SLIT1: variants seen among roughly 807,000 people sequenced by gnomAD.
The protein encoded by SLIT1 is slit guidance ligand 1.
A neutral mutation model predicts 186.1 loss-of-function variants in SLIT1; 66 were observed. The observed-to-expected ratio is 0.35, with a 90% CI of 0.29 to 0.44. SLIT1 has a LOEUF of 0.44. Among genes scored for constraint, SLIT1 ranks in the 20% least tolerant of loss-of-function variants. The pLI is 1.00. For missense variants in SLIT1, 1,638 were observed against 2,037.4 expected (o/e 0.80, Z 3.77); for synonymous variants, 761 against 833.8 (o/e 0.91, Z 1.50).
chr10:97,071,460 A>G (rs1168960872), intron 4 of SLIT1, among the ~76,000 whole-genome samples: 1 of 152,166 alleles, frequency 6.6e-6, no homozygotes, highest in Non-Finnish European at 1.5e-5. Flanking sequence ...TCCTCACCAC[A>G]ACCCTGCAAG....
intron 4 of SLIT1, among the ~76,000 whole-genome samples, chr10:97,141,495 G>A (rs935079060): frequency 2.0e-5 from 3 of 152,066 alleles, no homozygotes; most frequent in Admixed American, 1.3e-4. Context: ...AAGCACACGC[G>A]ATAAAACAGA....
chr10:97,043,922 G>A lies in SLIT1; in HGVS notation c.1854-409C>T, dbSNP rs753148236. Among the ~76,000 whole-genome samples, 32 of 152,102 alleles carry A rather than the reference G, an allele frequency of 2.1e-4. No homozygotes were observed. Among genetic ancestry groups the A allele is most frequent in the Non-Finnish European group, 3.4e-4 (23 of 68,032 alleles). ...ACTAACAGCCTCCAAACTGCCCACCGAGTCATGCTCGAACTCCTTACTGTG... is the reference window on the plus strand; with the variant it reads ...ACTAACAGCCTCCAAACTGCCCACCAAGTCATGCTCGAACTCCTTACTGTG... On this transcript the variant is annotated intron_variant, in intron 18 of 36. Coordinates refer to ENST00000266058, the MANE Select transcript of SLIT1 (RefSeq NM_003061.3). This position sits in a 1 kb window ranked among gnomAD's most constrained non-coding sequence, Gnocchi z 7.0.
At position 97,047,913 on chromosome 10, in the gene SLIT1, C is replaced by T. The variant is rs899486179; in HGVS notation, c.1489+60G>A. 6 of 1,613,250 alleles carry T rather than the reference C, an allele frequency of 3.7e-6. No homozygotes were observed. In the African/African-American group the frequency reaches 6.7e-5, roughly 18 times the overall value. ...AGTTTGGGTCAACCAAGGCCCCCAG[C>T]CTGCCCACCCACTACCACCATTCCC... On this transcript the variant is annotated intron_variant, in intron 15 of 36. Coordinates refer to ENST00000266058, the MANE Select transcript of SLIT1 (RefSeq NM_003061.3).
intron 1 of SLIT1, among the ~76,000 whole-genome samples, chr10:97,166,654 A>G (rs117655971): frequency 0.031 from 3,178 of 103,990 alleles, 66 homozygotes; most frequent in Non-Finnish European, 0.041. Flanking sequence ...GGAAAGGAAA[A>G]GAAAAGAAAA....
At chr10:97,166,557 A>AGGAAGGAAGGAAGGAAAGAGAGAGAGAG (rs1283710320) in intron 1 of SLIT1, among the ~76,000 whole-genome samples, 2 of 55,192 alleles carry the variant, frequency 3.6e-5, no homozygotes, top group African/African-American at 1.4e-4. Flanking sequence ...GAAGGAAGGA[A>AGGAAGGAAGGAAGGAAAGAGAGAGAGAG]AGAGAGAGAG....
rs138021763 is a variant in SLIT1, at chr10:97,059,715, G to A, written c.1014-184C>T. Among the ~76,000 whole-genome samples, 1,034 of 152,296 alleles carry A rather than the reference G, an allele frequency of 6.8e-3. 5 individuals are homozygous for A. Among genetic ancestry groups the A allele is most frequent in the Non-Finnish European group, 0.011 (724 of 68,022 alleles). ...TGGCCGCTATTTCCCTGTGCAGTCT[G>A]AGGGCTGGGCAGGAGGGGGCACTCC... On this transcript the variant is annotated intron_variant, in intron 10 of 36. Coordinates refer to ENST00000266058, the MANE Select transcript of SLIT1 (RefSeq NM_003061.3).
chr10:97,151,197 T>G (rs529013696), intron 4 of SLIT1, among the ~76,000 whole-genome samples: 31 of 152,262 alleles, frequency 2.0e-4, no homozygotes, highest in African/African-American at 6.7e-4. Context: ...ACACAGAGCC[T>G]GGCCCACAGG....
chr10:97,074,748 G>A lies in SLIT1; in HGVS notation c.414-8662C>T, dbSNP rs545519589. On this transcript the variant is annotated intron_variant, in intron 4 of 36. Transcript: ENST00000266058. ...GCCCGCCCCTGAAGACAAGGGGGCC[G>A]CCAGGCCCACACCCTGACTTGGCAC... Among the ~76,000 whole-genome samples, 359 of 152,276 alleles carry A rather than the reference G, an allele frequency of 2.4e-3. 1 individual carries two copies. Among genetic ancestry groups the A allele is most frequent in the Non-Finnish European group, 4.2e-3 (285 of 68,024 alleles).
rs756666368 is a variant in SLIT1 at position 97,157,887 on chromosome 10, C to A, written c.344G>T (p.Arg115Leu). 2 of 1,612,772 alleles carry A rather than the reference C, an allele frequency of 1.2e-6. No individual in the cohort carries two copies. Among genetic ancestry groups the A allele is most frequent in the South Asian group, 2.2e-5 (2 of 91,020 alleles). Residue 115 changes from arginine (R) to leucine (L), a missense_variant and splice_region_variant, in exon 4 of 37, where the codon CGA (arginine) becomes CTA (leucine). By Grantham distance (102) the Arg-to-Leu change is moderately radical. Coordinates refer to ENST00000266058, the MANE Select transcript of SLIT1 (RefSeq NM_003061.3). ...FDDMKELERLRLNRNQLHMLP... is the reference protein window; with the variant it reads ...FDDMKELERLLLNRNQLHMLP... ...CATGTGCAGCTGGTTTCGGTTCAGT[C>A]GCCTATAAAAGAGAAGAAGAATTGG...
chr10:97,055,085 C>G (rs1213854462), intron 13 of SLIT1, among the ~76,000 whole-genome samples: 1 of 152,042 alleles, frequency 6.6e-6, no homozygotes, highest in Non-Finnish European at 1.5e-5. Context: ...GGCGTGGTGA[C>G]GGGCGCCTGT....
At chr10:97,009,261 C>A (rs1589361522) in intron 31 of SLIT1, among the ~76,000 whole-genome samples, 1 of 152,118 alleles carries the variant, frequency 6.6e-6, no homozygotes, top group East Asian at 1.9e-4. Context: ...ACTACAGTAA[C>A]CAAGAAAGTG....
At chr10:97,135,586 T>TG (rs1237337859) in intron 4 of SLIT1, among the ~76,000 whole-genome samples, 1 of 152,152 alleles carries the variant, frequency 6.6e-6, no homozygotes, top group African/African-American at 2.4e-5. Flanking sequence ...AGCTTCCCGC[T>TG]GGGCCGCCTG....
At chr10:97,126,210 T>G (rs1849602363) in intron 4 of SLIT1, among the ~76,000 whole-genome samples, 1 of 152,236 alleles carries the variant, frequency 6.6e-6, no homozygotes, top group African/African-American at 2.4e-5. Context: ...AGAAAGCACC[T>G]TGGTTGTGTG....
intron 4 of SLIT1, among the ~76,000 whole-genome samples, chr10:97,138,601 T>C (rs1346676576): frequency 1.3e-5 from 2 of 152,198 alleles, no homozygotes; most frequent in Non-Finnish European, 2.9e-5. Flanking sequence ...TCAAAATTAT[T>C]TCCTGTCCTT....
chr10:97,078,902 T>C (rs1173880989), intron 4 of SLIT1, among the ~76,000 whole-genome samples: 2 of 152,218 alleles, frequency 1.3e-5, no homozygotes, highest in Admixed American at 6.5e-5. Flanking sequence ...GCAAGGCTCC[T>C]GTCCCAGGCA....
chr10:97,182,629 C>A (rs1231742668), intron 1 of SLIT1, among the ~76,000 whole-genome samples: 1 of 152,210 alleles, frequency 6.6e-6, no homozygotes, highest in African/African-American at 2.4e-5. Context: ...GATAACTCAC[C>A]CCTGGCTTCC....
intron 15 of SLIT1, 38 bp downstream of exon 15, chr10:97,047,935 T>C (rs564112031): frequency 3.7e-6 from 6 of 1,613,774 alleles, no homozygotes. Flanking sequence ...CTACCACCAT[T>C]CCCGCCAGGC....
intron 4 of SLIT1, among the ~76,000 whole-genome samples, chr10:97,098,021 T>C (rs960504867): frequency 1.3e-5 from 2 of 152,224 alleles, no homozygotes; most frequent in Non-Finnish European, 2.9e-5. Context: ...GCCCAGTTTA[T>C]AGTTCAATCT....
At position 97,002,364 on chromosome 10, in the gene SLIT1, A is replaced by G; in HGVS notation, c.4160T>C (p.Val1387Ala). The change falls in exon 36 of 37, where the codon GTC becomes GCC. Residue 1387 changes from valine (V) to alanine (A), a missense_variant. By Grantham distance (64) the Val-to-Ala change is moderately conservative. Transcript: ENST00000266058. ...ADGPCHGHKC[V>A]HGQCVPLDAL... ...GTCGAGGGGCACGCATTGCCCATGG[A>G]CACACCTGGAGGAGACAGAGAAAAG... is the stretch of plus-strand genomic sequence containing the variant. The G allele has an allele frequency of 6.2e-7, 1 of 1,600,514 alleles. No homozygotes were observed. The highest frequency in any genetic ancestry group is 8.5e-7 in the Non-Finnish European group (1 of 1,174,450).
Sources: gnomAD v4.1 joint callset for allele counts (sites outside exome capture counted in the v4.1 genomes callset) on GRCh38, gnomAD v4.1.1 for gene constraint, Gnocchi (gnomAD v3.1) non-coding constraint, MANE v1.5 for transcripts, NCBI Gene and HGNC (gene_info 2026-07-23, HGNC 2026-07-21) for gene names.